The following HMGN5 variants were observed in gnomAD, a reference collection of about 807,000 sequenced individuals.
HMGN5 encodes high mobility group nucleosome binding domain 5.
In HMGN5, 4 loss-of-function variants were observed where a neutral mutation model predicts 9.5. The ratio of observed to expected loss-of-function variants is 0.42; its 90% CI spans 0.21 to 0.96. The LOEUF is 0.96. HMGN5 is among the 40% of genes least tolerant of loss of function. The pLI, the probability that HMGN5 is intolerant of heterozygous loss-of-function variation, is 0.30. For missense variants in HMGN5, 192 were observed against 187.5 expected, an observed-to-expected ratio of 1.02 and a Z score of -0.14; for synonymous variants, 55 against 57.1, an observed-to-expected ratio of 0.96 and a Z score of 0.16.
Position 81,119,795 on chromosome X carries a change from C to T in HMGN5, c.38G>A (p.Arg13Lys). ...AAGACTAAAGAAACTCACCTCCTGC[C>T]TCATATCACCTTGACCTGCAGCCTA... ...KRKAAGQGDM[R>K]QEPKRRSARL... is the part of the protein sequence containing the mutation. The change falls in exon 3 of 7, where the codon AGG becomes AAG. Residue 13 changes from arginine to lysine, a missense_variant. By Grantham distance (26) the Arg-to-Lys change is conservative. Transcript: ENST00000358130. 1 of 1,205,249 alleles carries T rather than the reference C, an allele frequency of 8.3e-7. No homozygotes were observed. Among genetic ancestry groups the T allele is most frequent in the Non-Finnish European group, 1.1e-6 (1 of 889,753 alleles).
At chrX:81,196,548 TTTTG>T (rs1249726031) in intron 1 of HMGN5, among the ~76,000 whole-genome samples, 1 of 109,129 alleles carries the variant, frequency 9.2e-6, no homozygotes, top group East Asian at 2.9e-4. Context: ...TTTGTTTGTT[TTTTG>T]TTTTTGTTTT....
Position 81,116,626 on chromosome X carries a change from C to T in HMGN5, c.130-285G>A, listed in dbSNP as rs144029144. On this transcript the variant is annotated intron_variant, in intron 5 of 6. Transcript: ENST00000358130. Reference sequence around the variant, plus strand: ...GAGAGGCAACCAGTTAGAATGCTGACTAGTTGCTGCCAAGGACAAACTGCT... The same window carrying T: ...GAGAGGCAACCAGTTAGAATGCTGATTAGTTGCTGCCAAGGACAAACTGCT... Among the ~76,000 whole-genome samples the T allele has an allele frequency of 9.6e-3, 1,076 of 111,625 alleles. 17 individuals carry two copies. Among genetic ancestry groups the T allele is most frequent in the African/African-American group, 0.034 (1,033 of 30,714 alleles).
intron 1 of HMGN5, among the ~76,000 whole-genome samples, chrX:81,170,053 C>CAAA: frequency 8.6e-5 from 3 of 34,786 alleles, no homozygotes; most frequent in South Asian, 1.8e-3. Flanking sequence ...GACCCCGTCT[C>CAAA]AAAAAAAAAA....
chrX:81,199,232 C>G (rs1393615403), intron 1 of HMGN5, among the ~76,000 whole-genome samples: 7 of 111,641 alleles, frequency 6.3e-5, no homozygotes, highest in Non-Finnish European at 9.4e-5. Context: ...TAAAAGAGGA[C>G]ACAAACAAAT....
intron 1 of HMGN5, among the ~76,000 whole-genome samples, chrX:81,158,487 T>C (rs2075389509): frequency 8.9e-6 from 1 of 112,440 alleles, no homozygotes; most frequent in African/African-American, 3.2e-5. Flanking sequence ...AATTATCTGT[T>C]CATGTCCTTT....
Position 81,144,539 on chromosome X carries a change from AG to A in HMGN5, c.-123-22868del, listed in dbSNP as rs750403895. 3.9e-3 allele frequency among the ~76,000 whole-genome samples: 438 copies of A among 112,461 alleles called. 1 individual carries two copies. The highest frequency in any genetic ancestry group is 7.3e-3 in the Non-Finnish European group (389 of 53,282). On this transcript the variant is annotated intron_variant, in intron 1 of 6. Transcript: ENST00000358130. ...AAAGGTAGATAAATCCACGAAGATG[AG>A]GAAAAACCAGCACAAAAAGGTTGAA...
At chrX:81,197,057 G>A (rs954073428) in intron 1 of HMGN5, among the ~76,000 whole-genome samples, 2 of 112,028 alleles carry the variant, frequency 1.8e-5, no homozygotes, top group African/African-American at 3.2e-5. Context: ...GTGTGAAACA[G>A]ACTAATACAC....
intron 1 of HMGN5, among the ~76,000 whole-genome samples, chrX:81,173,660 A>G (rs1198421928): frequency 8.9e-6 from 1 of 112,133 alleles, no homozygotes; most frequent in Non-Finnish European, 1.9e-5. Flanking sequence ...ACTATTTTCT[A>G]TAACACTCCT....
intron 1 of HMGN5, among the ~76,000 whole-genome samples, chrX:81,156,101 T>C (rs1312071766): frequency 1.8e-5 from 2 of 111,868 alleles, no homozygotes; most frequent in Non-Finnish European, 3.8e-5. Flanking sequence ...ATTAAAAAAA[T>C]GGATGAGTTT....
intron 1 of HMGN5, among the ~76,000 whole-genome samples, chrX:81,146,289 A>G (rs1330305090): frequency 5.4e-5 from 6 of 111,462 alleles, no homozygotes; most frequent in Non-Finnish European, 1.1e-4. Context: ...AATGAAAATC[A>G]TAACAGTCTC....
chrX:81,147,150 A>G (rs2075347297), intron 1 of HMGN5, among the ~76,000 whole-genome samples: 1 of 112,162 alleles, frequency 8.9e-6, no homozygotes, highest in Admixed American at 9.5e-5. Context: ...TCATCTTATG[A>G]GGTCAGCATC....
At chrX:81,140,483 C>G (rs1177064153) in intron 1 of HMGN5, among the ~76,000 whole-genome samples, 4 of 106,617 alleles carry the variant, frequency 3.8e-5, no homozygotes, top group Non-Finnish European at 5.8e-5. Flanking sequence ...TGGCGTGAAC[C>G]CGGAAGGGGG....
chrX:81,117,974 TC>T (rs2075259028), intron 5 of HMGN5, among the ~76,000 whole-genome samples: 2 of 110,300 alleles, frequency 1.8e-5, no homozygotes, highest in African/African-American at 6.5e-5. Flanking sequence ...ATCAATTGTG[TC>T]CATTTAAAAT....
chrX:81,192,136 C>G (rs1330026863), intron 1 of HMGN5, among the ~76,000 whole-genome samples: 1 of 111,064 alleles, frequency 9.0e-6, no homozygotes, highest in Non-Finnish European at 1.9e-5. Flanking sequence ...TTAGAATAAC[C>G]CAACTTGGTC....
At chrX:81,173,024 A>G (rs1392402836) in intron 1 of HMGN5, among the ~76,000 whole-genome samples, 2 of 111,511 alleles carry the variant, frequency 1.8e-5, no homozygotes, top group East Asian at 5.6e-4. Context: ...CAATCCTACT[A>G]GAATTTATGT....
At chrX:81,144,498 A>G (rs2075337826) in intron 1 of HMGN5, among the ~76,000 whole-genome samples, 1 of 112,193 alleles carries the variant, frequency 8.9e-6, no homozygotes, top group South Asian at 3.7e-4. Context: ...TTTGAAAGTC[A>G]CCAACATCAA....
chrX:81,189,458 T>C (rs936274227), intron 1 of HMGN5, among the ~76,000 whole-genome samples: 2 of 112,356 alleles, frequency 1.8e-5, no homozygotes, highest in African/African-American at 6.5e-5. Context: ...TTTTCCATAA[T>C]GTCCCATAGT....
At chrX:81,160,161 A>G (rs2075394516) in intron 1 of HMGN5, among the ~76,000 whole-genome samples, 1 of 111,311 alleles carries the variant, frequency 9.0e-6, no homozygotes, top group Non-Finnish European at 1.9e-5. Context: ...CTTGATAAAG[A>G]TATCTTAGCA....
intron 1 of HMGN5, among the ~76,000 whole-genome samples, chrX:81,159,360 G>T (rs2075392499): frequency 9.0e-6 from 1 of 110,864 alleles, no homozygotes; most frequent in South Asian, 3.9e-4. Context: ...TAACAAACCT[G>T]CACATCCTGC....
Sources: gnomAD v4.1 joint callset for allele counts (sites outside exome capture counted in the v4.1 genomes callset) on GRCh38, gnomAD v4.1.1 for gene constraint, MANE v1.5 for transcripts, NCBI Gene and HGNC (gene_info 2026-07-23, HGNC 2026-07-21) for gene names.